The following CSMD1 variants were observed in gnomAD, a reference collection of about 807,000 sequenced individuals.
CSMD1 encodes the protein CUB and Sushi multiple domains 1.
Under a neutral mutation model 417.5 loss-of-function variants are expected in CSMD1, and 213 were observed. That is an observed-to-expected ratio of 0.51 (90% CI 0.46 to 0.57). CSMD1 has a LOEUF of 0.57. CSMD1 is among the 20% of genes least tolerant of loss of function. The pLI is 0.00. For missense variants in CSMD1, 6,923 were observed against 4,529.7 expected (o/e 1.53, Z -15.17); for synonymous variants, 2,862 against 1,736.8 (o/e 1.65, Z -16.11).
At chr8:4,154,572 C>A (rs1796733057) in intron 3 of CSMD1, among the ~76,000 whole-genome samples, 1 of 152,032 alleles carries the variant, frequency 6.6e-6, no homozygotes, top group Non-Finnish European at 1.5e-5. Flanking sequence ...GTGAGCTGGG[C>A]CAAGAGGTGA....
At chr8:4,139,208 A>G (rs527325911) in intron 3 of CSMD1, among the ~76,000 whole-genome samples, 234 of 152,332 alleles carry the variant, frequency 1.5e-3, no homozygotes, top group African/African-American at 5.3e-3. Context: ...TTCCTGGAAA[A>G]TAAGAGTGTC....
In CSMD1 at chr8:3,573,528, C is replaced by T. The variant is rs150861291; in HGVS notation, c.1344+1417G>A. ...AGCCTGCAACGCCCTGGAGTTTTAC[C>T]CAGCTCTGCTCATTAAAGCTTGAAT... On this transcript the variant is annotated intron_variant, in intron 10 of 69. Transcript: ENST00000635120. 5.2e-3 allele frequency among the ~76,000 whole-genome samples: 794 copies of T among 152,116 alleles called. 10 individuals are homozygous for T. Among genetic ancestry groups the T allele is most frequent in the African/African-American group, 0.018 (739 of 41,462 alleles).
intron 10 of CSMD1, among the ~76,000 whole-genome samples, chr8:3,559,797 G>C (rs532879094): frequency 2.0e-5 from 3 of 152,194 alleles, no homozygotes; most frequent in South Asian, 4.2e-4. Context: ...TGGAGAGTGA[G>C]GAGAGACAAA....
In CSMD1 at chr8:3,040,109, CT is replaced by C. The variant is rs560866664; in HGVS notation, c.7661-10597del. On this transcript the variant is annotated intron_variant, in intron 50 of 69. Coordinates refer to ENST00000635120, the MANE Select transcript of CSMD1 (RefSeq NM_033225.6). Reference sequence around the variant, plus strand: ...CTCTCTCTCACCTCTACTTTTCCTCCTCCAATTTCAGAGTGAGAAGTCAGGC... The same window carrying C: ...CTCTCTCTCACCTCTACTTTTCCTCCCCAATTTCAGAGTGAGAAGTCAGGC... Among the ~76,000 whole-genome samples the C allele has an allele frequency of 2.6e-5, 4 of 152,126 alleles. No individual in the cohort carries two copies. In the South Asian group the frequency reaches 8.3e-4, roughly 32 times the overall value.
chr8:4,432,019 G>T (rs888609614), intron 2 of CSMD1, among the ~76,000 whole-genome samples: 2 of 151,954 alleles, frequency 1.3e-5, no homozygotes, highest in Non-Finnish European at 2.9e-5. Flanking sequence ...TTCTCAAAAG[G>T]CCTGCAAAAA....
chr8:4,466,016 C>T (rs1420541498), intron 2 of CSMD1, among the ~76,000 whole-genome samples: 1 of 152,192 alleles, frequency 6.6e-6, no homozygotes, highest in African/African-American at 2.4e-5. Flanking sequence ...TGTGCAATCA[C>T]ATTTGGATTG....
intron 26 of CSMD1, among the ~76,000 whole-genome samples, chr8:3,280,517 A>T (rs549498361): frequency 6.6e-6 from 1 of 152,156 alleles, no homozygotes; most frequent in African/African-American, 2.4e-5. Context: ...CTCAGAGTCA[A>T]TGTTATATTC....
At chr8:3,400,477 G>T (rs1309812563) in intron 15 of CSMD1, among the ~76,000 whole-genome samples, 1 of 152,050 alleles carries the variant, frequency 6.6e-6, no homozygotes, top group Non-Finnish European at 1.5e-5. Flanking sequence ...TAGAAAAAAT[G>T]TGAATTAGTG....
chr8:3,313,751 C>A (rs952254262), intron 23 of CSMD1, among the ~76,000 whole-genome samples: 1 of 152,084 alleles, frequency 6.6e-6, no homozygotes, highest in South Asian at 2.1e-4. Context: ...ACCATTTGAC[C>A]CAGCCATCCC....
At chr8:3,120,628 C>G (rs1563063656) in intron 41 of CSMD1, among the ~76,000 whole-genome samples, 1 of 151,936 alleles carries the variant, frequency 6.6e-6, no homozygotes, top group Non-Finnish European at 1.5e-5. Context: ...GCGGGTGGAT[C>G]ACAAGGTCAA....
rs548747687 is a variant in CSMD1 at position 3,425,365 on chromosome 8, G to A, written c.1562-15760C>T. On this transcript the variant is annotated intron_variant, in intron 12 of 69. Transcript: ENST00000635120. ...AGCACTTTGGGAGGCTGAGGTGCGTGGATCACGAGGTCAAGAGATCCAGAC... is the reference window on the plus strand; with the variant it reads ...AGCACTTTGGGAGGCTGAGGTGCGTAGATCACGAGGTCAAGAGATCCAGAC... 3.3e-5 allele frequency among the ~76,000 whole-genome samples: 5 copies of A among 151,938 alleles called. 1 individual carries two copies. In the East Asian group the frequency reaches 9.8e-4, roughly 30 times the overall value.
At chr8:3,983,933 A>T (rs1466205912) in intron 5 of CSMD1, among the ~76,000 whole-genome samples, 1 of 152,198 alleles carries the variant, frequency 6.6e-6, no homozygotes, top group East Asian at 1.9e-4. Flanking sequence ...AGGGCTGTCA[A>T]TTGCAACTCT....
intron 2 of CSMD1, among the ~76,000 whole-genome samples, chr8:4,429,525 G>C (rs962979533): frequency 2.0e-5 from 3 of 152,116 alleles, no homozygotes; most frequent in Non-Finnish European, 4.4e-5. Context: ...ATTCAAGTTG[G>C]ATCAGAAAAT....
intron 6 of CSMD1, among the ~76,000 whole-genome samples, chr8:3,733,270 ATT>A: frequency 7.7e-6 from 1 of 129,522 alleles, no homozygotes; most frequent in Middle Eastern, 4.1e-3. Context: ...ACATACACAT[ATT>A]TATATATGCA....
At chr8:3,672,373 C>T (rs1422690319) in intron 7 of CSMD1, among the ~76,000 whole-genome samples, 1 of 152,240 alleles carries the variant, frequency 6.6e-6, no homozygotes, top group East Asian at 1.9e-4. Context: ...GCATTTAGAA[C>T]CCACTCTTGC....
intron 55 of CSMD1, among the ~76,000 whole-genome samples, chr8:2,977,968 CT>C (rs1805077666): frequency 6.6e-6 from 1 of 152,192 alleles, no homozygotes; most frequent in South Asian, 2.1e-4. Context: ...TGATTTTACA[CT>C]GTTGGTGGAA....
chr8:3,210,334 T>C (rs958261464), intron 30 of CSMD1, among the ~76,000 whole-genome samples: 1 of 81,704 alleles, frequency 1.2e-5, no homozygotes, highest in Admixed American at 1.1e-4. Flanking sequence ...TGATGACTAG[T>C]AAAATAAATT....
At chr8:4,984,926 A>T (rs1252887755) in intron 1 of CSMD1, among the ~76,000 whole-genome samples, 2 of 152,312 alleles carry the variant, frequency 1.3e-5, no homozygotes, top group African/African-American at 4.8e-5. Flanking sequence ...GCACATATGC[A>T]TCCGGAAGAC....
At chr8:3,670,397 G>T (rs770196845) in intron 7 of CSMD1, among the ~76,000 whole-genome samples, 5 of 151,036 alleles carry the variant, frequency 3.3e-5, no homozygotes, top group East Asian at 1.9e-4. Flanking sequence ...CCTATTGTCG[G>T]ACCTTGTGAA....
Sources: gnomAD v4.1 joint callset for allele counts (sites outside exome capture counted in the v4.1 genomes callset) on GRCh38, gnomAD v4.1.1 for gene constraint, MANE v1.5 for transcripts, NCBI Gene and HGNC (gene_info 2026-07-23, HGNC 2026-07-21) for gene names.